The following CLCN3 variants were observed in gnomAD, a reference collection of about 807,000 sequenced individuals.
CLCN3 encodes Cl-/H+ antiporter 3.
Under a neutral mutation model 83.4 loss-of-function variants are expected in CLCN3, and 16 were observed. The ratio of observed to expected loss-of-function variants is 0.19; its 90% CI spans 0.13 to 0.29. CLCN3 has a LOEUF of 0.29. Ranked by LOEUF, CLCN3 falls within the 10% of genes least tolerant of loss-of-function variation. The pLI is 1.00. For synonymous variants in CLCN3, 322 were observed against 346.2 expected (o/e 0.93, Z 0.78); for missense variants, 544 against 1,006.0 (o/e 0.54, Z 6.21).
intron 2 of CLCN3, among the ~76,000 whole-genome samples, chr4:169,679,827 T>C (rs1244951611): frequency 1.3e-4 from 19 of 151,948 alleles, no homozygotes. Context: ...TGCAGTGAGC[T>C]GAGATCGCGG....
chr4:169,671,304 G>A (rs893752711), intron 2 of CLCN3, among the ~76,000 whole-genome samples: 7 of 152,164 alleles, frequency 4.6e-5, no homozygotes, highest in Admixed American at 1.3e-4. Flanking sequence ...GCAGGGACAT[G>A]GATGAAGCTG....
chr4:169,639,124 G>A (rs1335564130), intron 2 of CLCN3, among the ~76,000 whole-genome samples: 1 of 151,978 alleles, frequency 6.6e-6, no homozygotes, highest in Non-Finnish European at 1.5e-5. Context: ...TTACCTCCTG[G>A]GCTCAAGAGA....
At chr4:169,624,950 C>G (rs1307892745) in intron 1 of CLCN3, among the ~76,000 whole-genome samples, 1 of 152,002 alleles carries the variant, frequency 6.6e-6, no homozygotes, top group Non-Finnish European at 1.5e-5. Flanking sequence ...CGCCACCATG[C>G]CCGGCTAATT....
intron 7 of CLCN3, 44 bp downstream of exon 7, chr4:169,692,364 T>C (rs746091376): frequency 1.2e-6 from 1 of 842,740 alleles, no homozygotes; most frequent in Non-Finnish European, 1.7e-6. Context: ...ATATATATTA[T>C]ATAGTATTTA....
chr4:169,677,005 C>T (rs1305844989), intron 2 of CLCN3, among the ~76,000 whole-genome samples: 1 of 151,820 alleles, frequency 6.6e-6, no homozygotes, highest in African/African-American at 2.4e-5. Flanking sequence ...CCGCCTAGTT[C>T]CAGGTGCTAC....
In CLCN3 at chr4:169,721,508, C is replaced by A. The variant is rs191813335; in HGVS notation, c.*1511C>A. ...ACTACATTACTTTGGAGAATAAAACCGAAAGTTCGTGTATACCTTCTTAAA... is the reference window on the plus strand; with the variant it reads ...ACTACATTACTTTGGAGAATAAAACAGAAAGTTCGTGTATACCTTCTTAAA... On this transcript the variant is annotated 3_prime_UTR_variant, in exon 13 of 13. Transcript: ENST00000513761. 6.6e-6 allele frequency: 1 copy of A among 151,184 alleles called. No homozygotes were observed. Among genetic ancestry groups the A allele is most frequent in the African/African-American group, 2.5e-5 (1 of 40,778 alleles). The allele number at this position is 151,184 out of a possible 1,614,324, so 9.4% of individuals were successfully genotyped here.
At chr4:169,638,157 A>G (rs950879304) in intron 2 of CLCN3, among the ~76,000 whole-genome samples, 5 of 151,982 alleles carry the variant, frequency 3.3e-5, no homozygotes, top group Non-Finnish European at 7.4e-5. Flanking sequence ...ACCTTGTTAT[A>G]TGTTCTCTTA....
At chr4:169,632,048 T>C (rs1773385453) in intron 1 of CLCN3, among the ~76,000 whole-genome samples, 1 of 152,168 alleles carries the variant, frequency 6.6e-6, no homozygotes, top group Non-Finnish European at 1.5e-5. Flanking sequence ...GAGGGGCTCC[T>C]CCTTAACTCA....
In CLCN3 at chr4:169,723,574, T is replaced by C. The variant is rs1733702993; in HGVS notation, c.*3577T>C. The C allele has an allele frequency of 6.6e-6, 1 of 152,096 alleles. No individual in the cohort carries two copies. Among genetic ancestry groups the C allele is most frequent in the South Asian group, 2.1e-4 (1 of 4,832 alleles). 9.4% of individuals were successfully genotyped at this position (152,096 alleles called of 1,614,324 possible). ...TGTCTTTAAAAAATCACCTTGGACA[T>C]TTGCTAATAGAACTGCCAAAAGAGG... is the stretch of plus-strand genomic sequence containing the variant. On this transcript the variant is annotated 3_prime_UTR_variant, in exon 13 of 13. Coordinates refer to ENST00000513761, the MANE Select transcript of CLCN3 (RefSeq NM_001829.4).
chr4:169,638,488 A>G (rs1422065881), intron 2 of CLCN3, among the ~76,000 whole-genome samples: 4 of 151,894 alleles, frequency 2.6e-5, no homozygotes, highest in Non-Finnish European at 4.4e-5. Flanking sequence ...TTTATCACAG[A>G]TTTTTTTTCT....
At chr4:169,656,077 T>C (rs1377945311) in intron 2 of CLCN3, among the ~76,000 whole-genome samples, 1 of 152,154 alleles carries the variant, frequency 6.6e-6, no homozygotes, top group African/African-American at 2.4e-5. Flanking sequence ...TTTTTTTTTT[T>C]TCTCTGATGC....
rs905544597 is a variant in CLCN3 at position 169,719,890 on chromosome 4, C to T, written c.2367-17C>T. 1 of 1,590,222 alleles carries T rather than the reference C, an allele frequency of 6.3e-7. No homozygotes were observed. The highest frequency in any genetic ancestry group is 1.9e-5 in the Admixed American group (1 of 53,888). ...TTCCCTTTTATTTCATAGGAGTCTT[C>T]TGTTTATTCCTTTCAGGCGCCTCCT... On this transcript the variant is annotated splice_polypyrimidine_tract_variant and intron_variant, in intron 12 of 12. Transcript: ENST00000513761.
intron 1 of CLCN3, among the ~76,000 whole-genome samples, chr4:169,625,723 T>C (rs898121000): frequency 3.9e-5 from 6 of 152,356 alleles, no homozygotes; most frequent in Admixed American, 3.9e-4. Context: ...TTCTTTACCA[T>C]TCCCTATATC....
At chr4:169,672,645 T>C (rs995481106) in intron 2 of CLCN3, among the ~76,000 whole-genome samples, 8 of 152,094 alleles carry the variant, frequency 5.3e-5, no homozygotes, top group Admixed American at 2.0e-4. Flanking sequence ...CTATATAAGT[T>C]ATATATATTT....
At chr4:169,716,721 A>G (rs999375822) in intron 12 of CLCN3, among the ~76,000 whole-genome samples, 1 of 152,190 alleles carries the variant, frequency 6.6e-6, no homozygotes, top group East Asian at 1.9e-4. Context: ...CCCATTCTCT[A>G]TCCTCCTGCT....
At chr4:169,644,540 C>G (rs1167580748) in intron 2 of CLCN3, among the ~76,000 whole-genome samples, 1 of 152,128 alleles carries the variant, frequency 6.6e-6, no homozygotes, top group African/African-American at 2.4e-5. Flanking sequence ...CCGTGCCTGG[C>G]CAATACAACA....
In CLCN3 at chr4:169,722,919, AC is replaced by A. The variant is rs1733684603; in HGVS notation, c.*2924del. On this transcript the variant is annotated 3_prime_UTR_variant, in exon 13 of 13. Transcript: ENST00000513761. ...GCCTGGCTAATTGGCAAATTAATTT[AC>A]CAATATAATAAGTGTAGCGCCTTGT... The A allele has an allele frequency of 6.6e-6, 1 of 152,196 alleles. No individual in the cohort carries two copies. The highest frequency in any genetic ancestry group is 2.4e-5 in the African/African-American group (1 of 41,438). 9.4% of individuals were successfully genotyped at this position (152,196 alleles called of 1,614,324 possible). A position where few individuals can be genotyped will look rare whatever the true frequency, so the allele number is the denominator to read the frequency against.
At chr4:169,648,330 A>T (rs6839362) in intron 2 of CLCN3, among the ~76,000 whole-genome samples, 100,021 of 152,164 alleles carry the variant, frequency 0.66, 33,812 homozygotes, top group East Asian at 0.94. Flanking sequence ...CTGTACTATC[A>T]TTGCAACTTT....
chr4:169,620,945 T>C lies in CLCN3; in HGVS notation c.-135T>C. ...TTTTAAATCGCGATAGTTTTCGCTG[T>C]GTCAGGCTTTCTTCGGTGGAGCTCC... On this transcript the variant is annotated 5_prime_UTR_variant, in exon 1 of 13. Coordinates refer to ENST00000513761, the MANE Select transcript of CLCN3 (RefSeq NM_001829.4). 1 of 398,544 alleles carries C rather than the reference T, an allele frequency of 2.5e-6. No homozygotes were observed. Among genetic ancestry groups the C allele is most frequent in the African/African-American group, 2.1e-5 (1 of 48,732 alleles). The allele number at this position is 398,544 out of a possible 1,614,324, so 24.7% of individuals were successfully genotyped here. A position where few individuals can be genotyped will look rare whatever the true frequency, so the allele number is the denominator to read the frequency against.
Sources: allele counts gnomAD v4.1 joint callset (sites outside exome capture counted in the v4.1 genomes callset), GRCh38; gene constraint gnomAD v4.1.1; transcripts MANE v1.5; gene names NCBI Gene and HGNC (gene_info 2026-07-23, HGNC 2026-07-21).